Variants in HERC2 observed in about 807,000 individuals in gnomAD.
HERC2 encodes the protein E3 ubiquitin-protein ligase HERC2.
Under a neutral mutation model 537.7 loss-of-function variants are expected in HERC2, and 102 were observed. The ratio of observed to expected loss-of-function variants is 0.19; its 90% CI spans 0.16 to 0.22. HERC2 has a LOEUF of 0.22. Among genes scored for constraint, HERC2 ranks in the 10% least tolerant of loss-of-function variants. The pLI, the probability that HERC2 is intolerant of heterozygous loss-of-function variation, is 1.00. For missense variants in HERC2, 4,236 were observed against 6,198.2 expected, an observed-to-expected ratio of 0.68 and a Z score of 10.63; for synonymous variants, 2,224 against 2,466.2, an observed-to-expected ratio of 0.90 and a Z score of 2.91.
intron 68 of HERC2, among the ~76,000 whole-genome samples, chr15:28,164,640 A>G (rs1441216867): frequency 6.6e-6 from 1 of 152,220 alleles, no homozygotes; most frequent in Non-Finnish European, 1.5e-5. Flanking sequence ...ATATCCTTAA[A>G]TATGAATTAT....
chr15:28,247,901 TA>T (rs1903882767), intron 21 of HERC2, among the ~76,000 whole-genome samples: 1 of 152,208 alleles, frequency 6.6e-6, no homozygotes, highest in South Asian at 2.1e-4. Context: ...ACAAAATTAC[TA>T]ATGGAAGCAG....
Position 28,122,473 on chromosome 15 carries a change from C to G in HERC2, c.13189-1044G>C, listed in dbSNP as rs1012672949. On this transcript the variant is annotated intron_variant, in intron 85 of 92. Coordinates refer to ENST00000261609, the MANE Select transcript of HERC2 (RefSeq NM_004667.6). This position sits in a 1 kb window ranked among gnomAD's most constrained non-coding sequence, Gnocchi z 4.1. ...GAAGGCAGGAGGTGAGGGCCCCAAG[C>G]GCCAGAGGAGACCCAGAAAGGGTAT... Among the ~76,000 whole-genome samples, 1 of 152,158 alleles carries G rather than the reference C, an allele frequency of 6.6e-6. No individual in the cohort carries two copies. The highest frequency in any genetic ancestry group is 1.5e-5 in the Non-Finnish European group (1 of 68,006).
At position 28,209,550 on chromosome 15, in the gene HERC2, A is replaced by C. The variant is rs541427843; in HGVS notation, c.7069+1452T>G. Among the ~76,000 whole-genome samples the C allele has an allele frequency of 4.6e-5, 7 of 152,228 alleles. No individual in the cohort carries two copies. The South Asian group carries it at 8.3e-4, about 18-fold the overall frequency. ...AGTAGAGATGGAGTTTCACCGTGTT[A>C]GCCAGGATGGTCTCGATCTCCTGAC... On this transcript the variant is annotated intron_variant, in intron 44 of 92. Coordinates refer to ENST00000261609, the MANE Select transcript of HERC2 (RefSeq NM_004667.6).
At chr15:28,248,849 GAC>G in intron 20 of HERC2, 113 bp from the exon 21 acceptor site, 1 of 834,188 alleles carries the variant, frequency 1.2e-6, no homozygotes, top group East Asian at 2.6e-5. Context: ...CATACATGAT[GAC>G]CTGCAGCTGG....
intron 5 of HERC2, among the ~76,000 whole-genome samples, chr15:28,278,354 C>T (rs2075932786): frequency 6.6e-6 from 1 of 151,936 alleles, no homozygotes; most frequent in African/African-American, 2.4e-5. Flanking sequence ...CTGCCCTGGG[C>T]AACAGTGAGA....
At chr15:28,154,526 G>A (rs1183808740) in intron 69 of HERC2, among the ~76,000 whole-genome samples, 1 of 152,162 alleles carries the variant, frequency 6.6e-6, no homozygotes, top group Non-Finnish European at 1.5e-5. Flanking sequence ...GTCGATCAGG[G>A]GCTCTGGCCT....
rs762702277 is a variant in HERC2 at position 28,144,168 on chromosome 15, C to T, written c.11208G>A (p.Leu3736=). ...SCPSMDLVTC[L]LDFRLNLASN... ...AGGCAAGGTTGAGTCGGAAGTCTAA[C>T]AGACACGTCACCAAGTCCATGGATG... The change falls in exon 73 of 93, where the codon CTG becomes CTA. Residue 3736 remains leucine (L), a synonymous_variant. Coordinates refer to ENST00000261609, the MANE Select transcript of HERC2 (RefSeq NM_004667.6). 23 of 1,614,094 alleles carry T rather than the reference C, an allele frequency of 1.4e-5. No individual in the cohort carries two copies. Among genetic ancestry groups the T allele is most frequent in the Non-Finnish European group, 1.7e-5 (20 of 1,180,054 alleles).
chr15:28,129,124 A>G (rs1394410799), intron 83 of HERC2, among the ~76,000 whole-genome samples: 1 of 152,134 alleles, frequency 6.6e-6, no homozygotes, highest in Non-Finnish European at 1.5e-5. Context: ...CCCTTTTGCC[A>G]TTGTGTTGGG....
chr15:28,311,644 G>GA (rs2076948990), intron 2 of HERC2, among the ~76,000 whole-genome samples: 1 of 151,882 alleles, frequency 6.6e-6, no homozygotes, highest in Admixed American at 6.6e-5. Context: ...AGTAAATATA[G>GA]ATCCAGATCT....
At chr15:28,306,394 C>T (rs1596453057) in intron 2 of HERC2, among the ~76,000 whole-genome samples, 2 of 152,174 alleles carry the variant, frequency 1.3e-5, no homozygotes, top group South Asian at 4.1e-4. Context: ...ATACGGTGAA[C>T]CATCCTGGCA....
intron 20 of HERC2, among the ~76,000 whole-genome samples, chr15:28,253,049 A>G (rs527311057): frequency 1.1e-3 from 160 of 152,248 alleles, no homozygotes; most frequent in Non-Finnish European, 2.1e-3. Flanking sequence ...TGTAGAAACT[A>G]AAACCAGGAG....
chr15:28,140,025 G>A (rs370958937), intron 78 of HERC2, among the ~76,000 whole-genome samples: 1 of 151,266 alleles, frequency 6.6e-6, no homozygotes, highest in East Asian at 1.9e-4. Context: ...CCGAGACTGT[G>A]CCACTGCACT....
chr15:28,141,407 T>C (rs560094936), intron 78 of HERC2, 25 bp downstream of exon 78: 2 of 1,610,026 alleles, frequency 1.2e-6, no homozygotes, highest in East Asian at 4.5e-5. Flanking sequence ...TCAATGACCT[T>C]GTGACATAGA....
intron 78 of HERC2, among the ~76,000 whole-genome samples, chr15:28,139,928 C>CGTG (rs1430415896): frequency 6.7e-6 from 1 of 149,880 alleles, no homozygotes; most frequent in Non-Finnish European, 1.5e-5. Context: ...ATTAGCCAGG[C>CGTG]GTGGTGGCGG....
In HERC2 at chr15:28,215,759, C is replaced by A; in HGVS notation, c.6072G>T (p.Trp2024Cys). The A allele has an allele frequency of 6.2e-7, 1 of 1,611,938 alleles. No individual in the cohort carries two copies. The highest frequency in any genetic ancestry group is 8.5e-7 in the Non-Finnish European group (1 of 1,179,826). ...RLVYREQHRS[W>C]CTLGFVRSIA... The stretch of plus-strand genomic sequence containing the variant: ...TGCTCCGCACAAACCCCAGCGTGCA[C>A]CAGCTCCGGTGTTGCTCCCTGTACA... Residue 2024 changes from tryptophan to cysteine, a missense_variant, in exon 39 of 93, where the codon TGG becomes TGT. Around this residue, in one of 27 missense-constraint regions of HERC2, gnomAD observed 365 missense variants for 468.8 expected, o/e 0.78. Transcript: ENST00000261609.
chr15:28,292,250 A>AC (rs2076337476), intron 4 of HERC2, among the ~76,000 whole-genome samples: 1 of 151,730 alleles, frequency 6.6e-6, no homozygotes, highest in African/African-American at 2.4e-5. Flanking sequence ...AAAAAAAAAA[A>AC]AAACCAGGCA....
chr15:28,289,921 G>A (rs2076267245), intron 4 of HERC2, among the ~76,000 whole-genome samples: 1 of 152,068 alleles, frequency 6.6e-6, no homozygotes, highest in South Asian at 2.1e-4. Flanking sequence ...ACACACCTCA[G>A]TGAGAGGATT....
intron 3 of HERC2, among the ~76,000 whole-genome samples, chr15:28,295,558 C>T (rs1352326454): frequency 6.6e-6 from 1 of 152,052 alleles, no homozygotes; most frequent in African/African-American, 2.4e-5. Flanking sequence ...ATCACCATGC[C>T]CAGCTAATTT....
intron 44 of HERC2, among the ~76,000 whole-genome samples, chr15:28,210,466 G>A (rs1238424853): frequency 2.0e-5 from 3 of 152,106 alleles, no homozygotes; most frequent in Admixed American, 6.6e-5. Context: ...ATGCCTTTTC[G>A]TGTGATAAAG....
Sources: gnomAD v4.1 joint callset for allele counts (sites outside exome capture counted in the v4.1 genomes callset) on GRCh38, gnomAD v4.1.1 for gene constraint, gnomAD v4.1.1 regional missense constraint, Gnocchi (gnomAD v3.1) non-coding constraint, MANE v1.5 for transcripts, NCBI Gene and HGNC (gene_info 2026-07-23, HGNC 2026-07-21) for gene names.